Variants in MYLK observed in about 807,000 individuals in gnomAD.
The protein encoded by MYLK is myosin light chain kinase.
MYLK carries 106 observed loss-of-function variants against 203.4 expected under a neutral mutation model. That is an observed-to-expected ratio of 0.52 (90% CI 0.45 to 0.61). The LOEUF (loss-of-function observed/expected upper bound fraction) is 0.61. Ranked by LOEUF, MYLK falls within the 20% of genes least tolerant of loss-of-function variation. MYLK has a pLI of 0.00. For synonymous variants in MYLK, 867 were observed against 959.5 expected (o/e 0.90, Z 1.78); for missense variants, 2,072 against 2,442.3 (o/e 0.85, Z 3.20).
chr3:123,792,159 T>A (rs1172245863), intron 4 of MYLK, among the ~76,000 whole-genome samples: 2 of 152,220 alleles, frequency 1.3e-5, no homozygotes, highest in Non-Finnish European at 2.9e-5. Flanking sequence ...AGCAAAAGCA[T>A]CATCACATGA....
intron 19 of MYLK, among the ~76,000 whole-genome samples, chr3:123,690,511 A>ACG (rs1353285674): frequency 2.0e-5 from 3 of 152,134 alleles, no homozygotes; most frequent in Non-Finnish European, 4.4e-5. Context: ...AGGGCAGGAG[A>ACG]TGTAGCCTAG....
At position 123,661,780 on chromosome 3, in the gene MYLK, A is replaced by T. The variant is rs150265167; in HGVS notation, c.3985+2325T>A. Reference sequence around the variant, plus strand: ...ATGGACAACTGGGGGTGGGGAGTGGATGCTGGAGCTCAGTCCTCTGTGAAT... The same window carrying T: ...ATGGACAACTGGGGGTGGGGAGTGGTTGCTGGAGCTCAGTCCTCTGTGAAT... On this transcript the variant is annotated intron_variant, in intron 23 of 33. Transcript: ENST00000360304. 5.2e-3 allele frequency among the ~76,000 whole-genome samples: 785 copies of T among 152,270 alleles called. 10 individuals carry two copies. The highest frequency in any genetic ancestry group is 0.017 in the African/African-American group (705 of 41,554).
chr3:123,620,351 C>A lies in MYLK; in HGVS notation c.5239-15G>T. 1 of 1,613,976 alleles carries A rather than the reference C, an allele frequency of 6.2e-7. No homozygotes were observed. The highest frequency in any genetic ancestry group is 8.5e-7 in the Non-Finnish European group (1 of 1,179,944). On this transcript the variant is annotated splice_polypyrimidine_tract_variant and intron_variant, in intron 31 of 33. Coordinates refer to ENST00000360304, the MANE Select transcript of MYLK (RefSeq NM_053025.4). Reference sequence around the variant, plus strand: ...TTGCCCGTTTTCTGGAAAATAGACACGAGGGTTGGACTCAGGCGTTGTCCC... The same window carrying A: ...TTGCCCGTTTTCTGGAAAATAGACAAGAGGGTTGGACTCAGGCGTTGTCCC...
chr3:123,835,373 TA>T lies in MYLK; in HGVS notation c.-126-3704del, dbSNP rs144479043. ...CTTCATCCCTGTGTAGAGTTTCTAT[TA>T]GGCTCAGAGACGGAGGGGAATATTT... On this transcript the variant is annotated intron_variant, in intron 2 of 33. Transcript: ENST00000360304. Among the ~76,000 whole-genome samples the T allele has an allele frequency of 5.9e-3, 902 of 152,226 alleles. 4 individuals carry two copies. The highest frequency in any genetic ancestry group is 0.019 in the African/African-American group (784 of 41,544).
intron 4 of MYLK, among the ~76,000 whole-genome samples, chr3:123,758,217 A>C (rs1028893329): frequency 2.0e-5 from 3 of 152,180 alleles, no homozygotes; most frequent in Non-Finnish European, 4.4e-5. Flanking sequence ...AGCAACTGGC[A>C]CTCAGCCCCA....
At chr3:123,814,950 G>A (rs2065695884) in intron 3 of MYLK, among the ~76,000 whole-genome samples, 1 of 151,996 alleles carries the variant, frequency 6.6e-6, no homozygotes, top group South Asian at 2.1e-4. Context: ...CTGACACCAT[G>A]CCTGGCTAAT....
At chr3:123,731,648 A>G (rs1322418906) in intron 11 of MYLK, among the ~76,000 whole-genome samples, 1 of 152,166 alleles carries the variant, frequency 6.6e-6, no homozygotes, top group Non-Finnish European at 1.5e-5. Context: ...CTCAACTTTC[A>G]TTTATATCAA....
At chr3:123,869,513 C>T (rs572090077) in intron 2 of MYLK, among the ~76,000 whole-genome samples, 2 of 152,274 alleles carry the variant, frequency 1.3e-5, no homozygotes, top group African/African-American at 4.8e-5. Flanking sequence ...GAATCAGAGG[C>T]TTGGCCCTTG....
In MYLK at chr3:123,713,185, C is replaced by G. The variant is rs567899381; in HGVS notation, c.1805-3292G>C. ...GCCCCCGGTCCTGTGTTTTGTTCCCCAAAGCCCTACAGCAAGAAAGAAGGG... is the reference window on the plus strand; with the variant it reads ...GCCCCCGGTCCTGTGTTTTGTTCCCGAAAGCCCTACAGCAAGAAAGAAGGG... On this transcript the variant is annotated intron_variant, in intron 13 of 33. Transcript: ENST00000360304. Among the ~76,000 whole-genome samples the G allele has an allele frequency of 2.4e-4, 36 of 152,214 alleles. No homozygotes were observed. The South Asian group carries it at 7.3e-3, about 31-fold the overall frequency.
Position 123,884,292 on chromosome 3 carries a change from C to A in MYLK, c.-272G>T, listed in dbSNP as rs1360446253. ...AGGCGCACAGCGCGGGCTCCGAGCT[C>A]GCTCAGCGCCCTGCTGCCGACCGGG... On this transcript the variant is annotated 5_prime_UTR_variant, in exon 1 of 34. Transcript: ENST00000360304. The A allele has an allele frequency of 1.4e-5, 2 of 147,488 alleles. No homozygotes were observed. The highest frequency in any genetic ancestry group is 6.7e-5 in the Admixed American group (1 of 14,860). The allele number at this position is 147,488 out of a possible 1,614,324, so 9.1% of individuals were successfully genotyped here.
At chr3:123,703,614 G>A (rs2061334930) in intron 16 of MYLK, among the ~76,000 whole-genome samples, 1 of 152,208 alleles carries the variant, frequency 6.6e-6, no homozygotes, top group African/African-American at 2.4e-5. Context: ...GAACGAAGAG[G>A]TCCTCAGTGT....
intron 19 of MYLK, among the ~76,000 whole-genome samples, chr3:123,687,792 C>T (rs2060515688): frequency 6.6e-6 from 1 of 152,100 alleles, no homozygotes; most frequent in African/African-American, 2.4e-5. Context: ...CTGGCTCATC[C>T]TCCTGAGTAG....
At chr3:123,816,631 G>GA (rs1369133912) in intron 3 of MYLK, among the ~76,000 whole-genome samples, 3 of 151,958 alleles carry the variant, frequency 2.0e-5, no homozygotes, top group Admixed American at 6.6e-5. Flanking sequence ...AAAAGAGAGG[G>GA]AAAAAAAACT....
intron 16 of MYLK, 133 bp from the exon 17 acceptor site, chr3:123,701,642 A>G: frequency 3.6e-6 from 3 of 827,832 alleles, no homozygotes; most frequent in Non-Finnish European, 6.2e-6. Flanking sequence ...CATTCACCCC[A>G]GCCTTAGATT....
intron 31 of MYLK, chr3:123,621,047 A>C (rs1559971749): frequency 6.6e-6 from 1 of 152,218 alleles, no homozygotes; most frequent in South Asian, 2.1e-4. Flanking sequence ...CACCAAAAAG[A>C]AGCATTGAAG....
At chr3:123,876,205 T>A (rs1432929892) in intron 2 of MYLK, among the ~76,000 whole-genome samples, 1 of 152,106 alleles carries the variant, frequency 6.6e-6, no homozygotes, top group East Asian at 1.9e-4. Context: ...AAAAAAACTA[T>A]ACATTATGAC....
At position 123,657,136 on chromosome 3, in the gene MYLK, C is replaced by T. The variant is rs1258094340; in HGVS notation, c.4278G>A (p.Glu1426=). ...GTGATGGCAGCCTACCTTCAGGTTT[C>T]TCTCCTACCGTTGTGAGTTCAGACT... ...SQESELTTVG[E]KPEEPKDEVE... The change falls in exon 24 of 34, where the codon GAG becomes GAA. Residue 1426 remains glutamate, a synonymous_variant. Transcript: ENST00000360304. 1 of 1,614,182 alleles carries T rather than the reference C, an allele frequency of 6.2e-7. No individual in the cohort carries two copies. The highest frequency in any genetic ancestry group is 1.1e-5 in the South Asian group (1 of 91,074).
intron 21 of MYLK, 44 bp downstream of exon 21, chr3:123,667,093 G>A (rs1248650540): frequency 6.3e-7 from 1 of 1,591,614 alleles, no homozygotes; most frequent in East Asian, 2.2e-5. Flanking sequence ...AAACCCCCAT[G>A]GTAGATGACT....
chr3:123,861,375 A>G (rs13067944), intron 2 of MYLK, among the ~76,000 whole-genome samples: 130,269 of 152,262 alleles, frequency 0.86, 56,115 homozygotes, highest in East Asian at 0.96. Flanking sequence ...CAGATCCCTC[A>G]TCTTAAATAC....
Sources: allele counts gnomAD v4.1 joint callset (sites outside exome capture counted in the v4.1 genomes callset), GRCh38; gene constraint gnomAD v4.1.1; transcripts MANE v1.5; gene names NCBI Gene and HGNC (gene_info 2026-07-23, HGNC 2026-07-21).